Variants in CNPY1 observed in about 807,000 individuals in gnomAD.
The protein encoded by CNPY1 is protein canopy homolog 1.
In CNPY1, 14 loss-of-function variants were observed where a neutral mutation model predicts 14.4. The observed-to-expected ratio is 0.97, with a 90% CI of 0.64 to 1.52. The LOEUF is 1.52. Among genes scored for constraint, CNPY1 ranks in the 40% most tolerant of loss-of-function variants. The pLI is 0.00. For synonymous variants in CNPY1, 43 were observed against 46.5 expected, an observed-to-expected ratio of 0.92 and a Z score of 0.31; for missense variants, 129 against 131.5, an observed-to-expected ratio of 0.98 and a Z score of 0.09.
chr7:155,536,532 A>G lies in CNPY1; in HGVS notation c.99+9299T>C, dbSNP rs890296382. ...TCGACTGTTTCCAGCCCTTCTTCCA[A>G]CTAGGTGAGGACATGTGCTGGAGTC... is the stretch of plus-strand genomic sequence containing the variant. On this transcript the variant is annotated intron_variant, in intron 2 of 4. Transcript: ENST00000636446. This position sits in a 1 kb window ranked among gnomAD's most constrained non-coding sequence, Gnocchi z 4.1. Among the ~76,000 whole-genome samples, 3 of 152,074 alleles carry G rather than the reference A, an allele frequency of 2.0e-5. No homozygotes were observed. Among genetic ancestry groups the G allele is most frequent in the Admixed American group, 2.0e-4 (3 of 15,258 alleles).
At chr7:155,524,913 C>G (rs982025083) in intron 2 of CNPY1, among the ~76,000 whole-genome samples, 90 of 151,974 alleles carry the variant, frequency 5.9e-4, no homozygotes, top group African/African-American at 2.1e-3. Context: ...TCTAAGGGGC[C>G]CAAGGGAAGA....
chr7:155,520,427 T>A (rs1796697506), intron 2 of CNPY1, among the ~76,000 whole-genome samples: 1 of 124,012 alleles, frequency 8.1e-6, no homozygotes, highest in Admixed American at 1.0e-4. Context: ...TTTCTTTCTT[T>A]CTTTTTTTTT....
intron 2 of CNPY1, among the ~76,000 whole-genome samples, chr7:155,523,789 G>A (rs1398728551): frequency 1.3e-5 from 2 of 152,190 alleles, no homozygotes; most frequent in Non-Finnish European, 2.9e-5. Context: ...CAGAAAAAGG[G>A]TCTTTGCAGA....
intron 2 of CNPY1, among the ~76,000 whole-genome samples, chr7:155,543,084 C>T (rs949015030): frequency 1.3e-5 from 2 of 152,202 alleles, no homozygotes; most frequent in African/African-American, 2.4e-5. Context: ...TCCAAGGACC[C>T]TGTGGCATCA....
chr7:155,541,422 C>T lies in CNPY1; in HGVS notation c.99+4409G>A, dbSNP rs117683171. ...ACTAAACAGCTGCCCCTTCCATCCT[C>T]TCTGCTTCTACAGGCTGTCCCATAA... On this transcript the variant is annotated intron_variant, in intron 2 of 4. Coordinates refer to ENST00000636446, the MANE Select transcript of CNPY1 (RefSeq NM_001393663.1). Among the ~76,000 whole-genome samples the T allele has an allele frequency of 5.3e-3, 815 of 152,360 alleles. 5 individuals carry two copies. Among genetic ancestry groups the T allele is most frequent in the Non-Finnish European group, 8.3e-3 (564 of 68,028 alleles).
chr7:155,527,032 T>TTC (rs1376597235), intron 2 of CNPY1, among the ~76,000 whole-genome samples: 1 of 44,748 alleles, frequency 2.2e-5, no homozygotes, highest in East Asian at 8.3e-4. Context: ...CTTTTCTTTT[T>TTC]TCTTTCTTTC....
In CNPY1 at chr7:155,502,938, C is replaced by A; in HGVS notation, c.*130G>T. The A allele has an allele frequency of 1.4e-6, 1 of 737,196 alleles. No homozygotes were observed. The highest frequency in any genetic ancestry group is 1.9e-5 in the South Asian group (1 of 52,188). 45.7% of individuals were successfully genotyped at this position (737,196 alleles called of 1,614,324 possible). A position where few individuals can be genotyped will look rare whatever the true frequency, so the allele number is the denominator to read the frequency against. ...ACAGATTTTCAAAATGAATCATAAACGGAGACAAACACGGTATAAACAAGA... is the reference window on the plus strand; with the variant it reads ...ACAGATTTTCAAAATGAATCATAAAAGGAGACAAACACGGTATAAACAAGA... On this transcript the variant is annotated 3_prime_UTR_variant, in exon 5 of 5. Transcript: ENST00000636446.
chr7:155,542,256 GC>G (rs1797092891), intron 2 of CNPY1, among the ~76,000 whole-genome samples: 1 of 152,116 alleles, frequency 6.6e-6, no homozygotes, highest in Non-Finnish European at 1.5e-5. Context: ...AGTCAGGGGA[GC>G]CCCAGGGAAA....
chr7:155,526,951 A>G (rs930807456), intron 2 of CNPY1, among the ~76,000 whole-genome samples: 1 of 152,188 alleles, frequency 6.6e-6, no homozygotes, highest in Non-Finnish European at 1.5e-5. Context: ...AACACCAGAA[A>G]CAATATGTGT....
intron 2 of CNPY1, among the ~76,000 whole-genome samples, chr7:155,509,492 A>AGAGAGACAGAGAGAGGGAAAGGAGG (rs1310325591): frequency 2.5e-4 from 38 of 151,934 alleles, no homozygotes; most frequent in Non-Finnish European, 7.4e-5. Context: ...GAGGAGGGGG[A>AGAGAGACAGAGAGAGGGAAAGGAGG]GAGAGACAGA....
At chr7:155,537,784 T>TA (rs1797040657) in intron 2 of CNPY1, among the ~76,000 whole-genome samples, 5 of 152,158 alleles carry the variant, frequency 3.3e-5, no homozygotes, top group Admixed American at 3.3e-4. Context: ...TCCATCTTCT[T>TA]AAGAACAATG....
chr7:155,507,775 C>A (rs1217844468), intron 3 of CNPY1, among the ~76,000 whole-genome samples: 2 of 152,142 alleles, frequency 1.3e-5, no homozygotes, highest in South Asian at 4.1e-4. Context: ...ATTTGAAAAT[C>A]TTAAATTCTA....
intron 2 of CNPY1, among the ~76,000 whole-genome samples, chr7:155,532,049 G>A (rs750691655): frequency 2.6e-5 from 4 of 152,250 alleles, no homozygotes; most frequent in Non-Finnish European, 4.4e-5. Context: ...CAAGATATGC[G>A]TCAGCATCTG....
intron 2 of CNPY1, among the ~76,000 whole-genome samples, chr7:155,543,309 G>T (rs1369416920): frequency 6.6e-6 from 1 of 152,146 alleles, no homozygotes; most frequent in East Asian, 1.9e-4. Flanking sequence ...TTCACTGAAG[G>T]CCAAGCTGAG....
intron 2 of CNPY1, among the ~76,000 whole-genome samples, chr7:155,514,969 GGAT>G (rs1199087035): frequency 6.6e-6 from 1 of 152,116 alleles, no homozygotes; most frequent in African/African-American, 2.4e-5. Flanking sequence ...CAAATGAACT[GGAT>G]GATGAGTCAG....
intron 2 of CNPY1, among the ~76,000 whole-genome samples, chr7:155,517,188 G>A (rs931358477): frequency 1.3e-5 from 2 of 152,138 alleles, no homozygotes; most frequent in African/African-American, 2.4e-5. Context: ...AGATCAGATC[G>A]GGTCATTGAG....
At chr7:155,521,079 C>CAAGGAAGGAAGGAAGGAAGGAAGCAAGG (rs1796714382) in intron 2 of CNPY1, among the ~76,000 whole-genome samples, 1 of 90,668 alleles carries the variant, frequency 1.1e-5, no homozygotes, top group Non-Finnish European at 2.4e-5. Flanking sequence ...AGGAAGGAAG[C>CAAGGAAGGAAGGAAGGAAGGAAGCAAGG]AAGGAAGGAA....
chr7:155,524,553 G>T (rs918834590), intron 2 of CNPY1, among the ~76,000 whole-genome samples: 2 of 152,282 alleles, frequency 1.3e-5, no homozygotes, highest in Middle Eastern at 3.4e-3. Flanking sequence ...CACATGCAAG[G>T]GATCCAGGTT....
At chr7:155,522,061 G>C (rs1172321703) in intron 2 of CNPY1, among the ~76,000 whole-genome samples, 1 of 152,234 alleles carries the variant, frequency 6.6e-6, no homozygotes, top group Admixed American at 6.5e-5. Flanking sequence ...ACACGCACGT[G>C]CACACACGTG....
Sources: allele counts gnomAD v4.1 joint callset (sites outside exome capture counted in the v4.1 genomes callset), GRCh38; gene constraint gnomAD v4.1.1; non-coding constraint Gnocchi (gnomAD v3.1); transcripts MANE v1.5; gene names NCBI Gene and HGNC (gene_info 2026-07-23, HGNC 2026-07-21).